TMEM196: variants seen among roughly 807,000 people sequenced by gnomAD.
TMEM196 encodes transmembrane protein 196.
In TMEM196, 17 loss-of-function variants were observed where a neutral mutation model predicts 20.0. That is an observed-to-expected ratio of 0.85 (90% confidence interval 0.58 to 1.27). The LOEUF (loss-of-function observed/expected upper bound fraction) is 1.27, where lower values mean the gene tolerates loss of function less well. Among genes scored for constraint, TMEM196 ranks in the 50% most tolerant of loss-of-function variants. The pLI is 0.00. For synonymous variants in TMEM196, 113 were observed against 88.9 expected (o/e 1.27, Z -1.52); for missense variants, 267 against 223.0 (o/e 1.20, Z -1.26).
chr7:19,726,538 A>G (rs1219785811), intron 2 of TMEM196, among the ~76,000 whole-genome samples: 1 of 152,156 alleles, frequency 6.6e-6, no homozygotes, highest in Non-Finnish European at 1.5e-5. Flanking sequence ...TAGGCGTTCC[A>G]AAAATACTGT....
At chr7:19,748,219 C>T (rs542501991) in intron 1 of TMEM196, among the ~76,000 whole-genome samples, 47 of 123,530 alleles carry the variant, frequency 3.8e-4, no homozygotes, top group African/African-American at 1.3e-3. Context: ...TAAAGGTTTC[C>T]TTCATTCAAC....
intron 4 of TMEM196, among the ~76,000 whole-genome samples, chr7:19,722,855 G>C (rs142696797): frequency 6.6e-6 from 1 of 152,032 alleles, no homozygotes; most frequent in Non-Finnish European, 1.5e-5. Flanking sequence ...TAATTCATAT[G>C]TTTTGTTAAA....
At chr7:19,750,923 A>G (rs1480331907) in intron 1 of TMEM196, among the ~76,000 whole-genome samples, 1 of 152,220 alleles carries the variant, frequency 6.6e-6, no homozygotes, top group Non-Finnish European at 1.5e-5. Flanking sequence ...GTATCTGTAA[A>G]GGAGTAACTG....
chr7:19,756,100 G>T (rs187282600), intron 1 of TMEM196, among the ~76,000 whole-genome samples: 277 of 147,542 alleles, frequency 1.9e-3, no homozygotes, highest in African/African-American at 6.6e-3. Context: ...AAAAAAAAAT[G>T]TATTCAGACA....
intron 1 of TMEM196, among the ~76,000 whole-genome samples, chr7:19,752,597 T>A (rs1365799627): frequency 6.6e-6 from 1 of 151,966 alleles, no homozygotes; most frequent in South Asian, 2.1e-4. Context: ...TTTAATTTAA[T>A]TTTATGTATT....
intron 1 of TMEM196, among the ~76,000 whole-genome samples, chr7:19,745,936 C>A (rs1411441124): frequency 6.6e-6 from 1 of 151,536 alleles, no homozygotes; most frequent in East Asian, 1.9e-4. Flanking sequence ...ACTCAGAGGA[C>A]CTATATTTTA....
intron 1 of TMEM196, among the ~76,000 whole-genome samples, chr7:19,751,877 T>C (rs1784975945): frequency 2.0e-5 from 3 of 152,196 alleles, no homozygotes. Flanking sequence ...ATCACACCAA[T>C]ATATATACTC....
intron 3 of TMEM196, among the ~76,000 whole-genome samples, chr7:19,724,836 C>A (rs1583414101): frequency 6.6e-6 from 1 of 152,066 alleles, no homozygotes; most frequent in African/African-American, 2.4e-5. Flanking sequence ...TAGGAGAAAC[C>A]GAATTAAGGA....
At chr7:19,746,379 C>A (rs1258355294) in intron 1 of TMEM196, among the ~76,000 whole-genome samples, 1 of 152,164 alleles carries the variant, frequency 6.6e-6, no homozygotes, top group East Asian at 1.9e-4. Context: ...AATATACCGA[C>A]TCTCTTTTTA....
At chr7:19,764,083 T>C (rs1785534911) in intron 1 of TMEM196, among the ~76,000 whole-genome samples, 1 of 152,176 alleles carries the variant, frequency 6.6e-6, no homozygotes, top group Admixed American at 6.5e-5. Flanking sequence ...CATAAGAAAC[T>C]TGCAAGTTTA....
intron 1 of TMEM196, among the ~76,000 whole-genome samples, chr7:19,738,816 T>C (rs1214221856): frequency 6.6e-6 from 1 of 152,128 alleles, no homozygotes; most frequent in African/African-American, 2.4e-5. Flanking sequence ...AAAAATCTAC[T>C]GTACAGAAAA....
At chr7:19,769,432 C>A (rs1785771141) in intron 1 of TMEM196, among the ~76,000 whole-genome samples, 2 of 152,032 alleles carry the variant, frequency 1.3e-5, no homozygotes, top group South Asian at 4.2e-4. Flanking sequence ...CTTCCTCTTA[C>A]ACACCTAAGC....
chr7:19,759,657 C>G (rs1785355769), intron 1 of TMEM196, among the ~76,000 whole-genome samples: 1 of 151,716 alleles, frequency 6.6e-6, no homozygotes, highest in South Asian at 2.1e-4. Flanking sequence ...CACACGCAGG[C>G]ACACACACAC....
Position 19,747,986 on chromosome 7 carries a change from C to A in TMEM196, c.148-18548G>T, listed in dbSNP as rs538278969. ...ATTAATTAACAACTAAAATATTGAT[C>A]GTTACCTCTAACTGGGAGTGATTTG... On this transcript the variant is annotated intron_variant, in intron 1 of 4. Coordinates refer to ENST00000405844, the MANE Select transcript of TMEM196 (RefSeq NM_001363562.2). Among the ~76,000 whole-genome samples the A allele has an allele frequency of 1.4e-4, 21 of 152,214 alleles. No individual in the cohort carries two copies. The South Asian group carries it at 3.5e-3, about 26-fold the overall frequency.
chr7:19,731,422 A>AT lies in TMEM196; in HGVS notation c.148-1985dup, dbSNP rs1316217055. Among the ~76,000 whole-genome samples the AT allele has an allele frequency of 2.6e-5, 4 of 152,234 alleles. No homozygotes were observed. In the East Asian group the frequency reaches 5.8e-4, roughly 22 times the overall value. On this transcript the variant is annotated intron_variant, in intron 1 of 4. Coordinates refer to ENST00000405844, the MANE Select transcript of TMEM196 (RefSeq NM_001363562.2). ...CTTTCTGTTACTAATTTCATCTCAC[A>AT]TTTTTGAAGGCAGTGCTCAAGAAAT...
chr7:19,772,627 A>T lies in TMEM196; in HGVS notation c.70T>A (p.Ser24Thr). Residue 24 changes from serine to threonine, a missense_variant, in exon 1 of 5, where the codon TCC (serine) becomes ACC (threonine). By Grantham distance (58) the Ser-to-Thr change is moderately conservative. Transcript: ENST00000405844. ...LSVLEIGLGV[S>T]SVAVGAVSFS... is the part of the protein sequence containing the mutation. Reference sequence around the variant, plus strand: ...CTGACCGCCCCCACGGCCACGCTGGACACCCCCAGCCCTATCTCCAGCACG... The same window carrying T: ...CTGACCGCCCCCACGGCCACGCTGGTCACCCCCAGCCCTATCTCCAGCACG... The T allele has an allele frequency of 6.5e-7, 1 of 1,547,788 alleles. No homozygotes were observed. The highest frequency in any genetic ancestry group is 1.2e-5 in the South Asian group (1 of 83,620).
intron 4 of TMEM196, among the ~76,000 whole-genome samples, chr7:19,723,482 CA>C (rs990800373): frequency 6.6e-6 from 1 of 151,816 alleles, no homozygotes; most frequent in South Asian, 2.1e-4. Flanking sequence ...TAAAATGTTA[CA>C]AAAAAAGAAT....
chr7:19,739,975 A>G (rs546084063), intron 1 of TMEM196, among the ~76,000 whole-genome samples: 6 of 152,176 alleles, frequency 3.9e-5, no homozygotes, highest in South Asian at 2.1e-4. Flanking sequence ...GTGTGTGTGC[A>G]CACATGTATC....
chr7:19,730,071 A>G (rs1032608739), intron 1 of TMEM196, among the ~76,000 whole-genome samples: 10 of 152,102 alleles, frequency 6.6e-5, no homozygotes, highest in African/African-American at 2.4e-4. Context: ...CCTGGCTAAC[A>G]CGGTGAAACC....
Sources: gnomAD v4.1 joint callset for allele counts (sites outside exome capture counted in the v4.1 genomes callset) on GRCh38, gnomAD v4.1.1 for gene constraint, MANE v1.5 for transcripts, NCBI Gene and HGNC (gene_info 2026-07-23, HGNC 2026-07-21) for gene names.